Variants in MYO5B observed in about 807,000 individuals in gnomAD.
MYO5B encodes the protein unconventional myosin-Vb.
In MYO5B, 143 loss-of-function variants were observed where a neutral mutation model predicts 229.3. The observed-to-expected ratio is 0.62, with a 90% CI of 0.54 to 0.72. The LOEUF (loss-of-function observed/expected upper bound fraction) is 0.72. MYO5B is among the 30% of genes least tolerant of loss of function. MYO5B has a pLI of 0.00. For missense variants in MYO5B, 2,321 were observed against 2,331.0 expected (o/e 1.00, Z 0.09); for synonymous variants, 918 against 885.2 (o/e 1.04, Z -0.66).
chr18:50,032,756 C>T (rs1208076138), intron 4 of MYO5B, among the ~76,000 whole-genome samples: 5 of 152,130 alleles, frequency 3.3e-5, no homozygotes, highest in African/African-American at 4.8e-5. Flanking sequence ...GAGGCCAAGG[C>T]GGGTGGATCA....
At chr18:49,841,282 G>T in intron 35 of MYO5B, 83 bp downstream of exon 35, 2 of 1,305,958 alleles carry the variant, frequency 1.5e-6, no homozygotes, top group South Asian at 1.2e-5. Flanking sequence ...AGACCCCACT[G>T]ACCTCTGAGG....
chr18:49,859,117 G>A (rs754667060), intron 29 of MYO5B, among the ~76,000 whole-genome samples: 6 of 152,220 alleles, frequency 3.9e-5, no homozygotes, highest in Non-Finnish European at 7.3e-5. Context: ...GAAACTGGCT[G>A]GAGAACCTAG....
At chr18:50,153,578 T>G (rs972573555) in intron 1 of MYO5B, among the ~76,000 whole-genome samples, 1 of 152,172 alleles carries the variant, frequency 6.6e-6, no homozygotes, top group Non-Finnish European at 1.5e-5. Flanking sequence ...GCCTCCAGAA[T>G]AGCTGGGACT....
chr18:49,864,271 T>C lies in MYO5B; in HGVS notation c.3713A>G (p.Asp1238Gly), dbSNP rs1260058166. The C allele has an allele frequency of 3.7e-6, 6 of 1,614,100 alleles. No homozygotes were observed. The highest frequency in any genetic ancestry group is 1.7e-5 in the Admixed American group (1 of 60,014). ...CTGGTTCAGCAGGAGGCTGTAGCTA[T>C]CTGGGGAGCCGTGGCTGGAGTTATT... ...TQNNSSHGSP[D>G]SYSLLLNQLK... Residue 1238 changes from aspartate to glycine, a missense_variant, in exon 28 of 40, where the codon GAT becomes GGT. By Grantham distance (94) the Asp-to-Gly change is moderately conservative. Coordinates refer to ENST00000285039, the MANE Select transcript of MYO5B (RefSeq NM_001080467.3).
intron 2 of MYO5B, among the ~76,000 whole-genome samples, chr18:50,044,587 TGA>T (rs907275259): frequency 2.0e-5 from 3 of 151,710 alleles, no homozygotes; most frequent in Non-Finnish European, 4.4e-5. Flanking sequence ...ACTAGATGAG[TGA>T]GAGTGGCAGG....
In MYO5B at chr18:49,824,935, CTG is replaced by C. The variant is rs1459513473; in HGVS notation, c.*1534_*1535del. On this transcript the variant is annotated 3_prime_UTR_variant, in exon 40 of 40. Coordinates refer to ENST00000285039, the MANE Select transcript of MYO5B (RefSeq NM_001080467.3). ...AAGCCCCAGGAGATGCAGAGAACAA[CTG>C]AGGAAGCTGTGCTCTAAGGGCACAG... 4.6e-5 allele frequency: 7 copies of C among 152,344 alleles called. 1 individual carries two copies. Among genetic ancestry groups the C allele is most frequent in the Admixed American group, 4.6e-4 (7 of 15,296 alleles). 9.4% of individuals were successfully genotyped at this position (152,344 alleles called of 1,614,324 possible).
intron 29 of MYO5B, among the ~76,000 whole-genome samples, chr18:49,862,626 CT>C (rs2024344874): frequency 6.6e-6 from 1 of 152,242 alleles, no homozygotes; most frequent in Non-Finnish European, 1.5e-5. Context: ...GGCCCTGCTG[CT>C]GCCCTCAGAC....
intron 1 of MYO5B, chr18:50,097,188 C>G (rs1440124619): frequency 6.6e-6 from 3 of 455,118 alleles, no homozygotes; most frequent in Admixed American, 2.4e-5. Context: ...TCCTCCCATC[C>G]CCATTCCCCA....
chr18:49,945,948 T>C (rs2025367860), intron 14 of MYO5B, among the ~76,000 whole-genome samples: 1 of 152,208 alleles, frequency 6.6e-6, no homozygotes, highest in South Asian at 2.1e-4. Flanking sequence ...CTGTCTGTCA[T>C]GGCAAAGCAA....
chr18:49,854,098 T>G (rs1050053643), intron 30 of MYO5B, among the ~76,000 whole-genome samples: 2 of 152,248 alleles, frequency 1.3e-5, no homozygotes, highest in African/African-American at 4.8e-5. Flanking sequence ...TCACATATTT[T>G]CCCTGTGGCA....
intron 21 of MYO5B, among the ~76,000 whole-genome samples, chr18:49,898,039 T>C (rs1257514489): frequency 6.6e-6 from 1 of 152,248 alleles, no homozygotes; most frequent in Non-Finnish European, 1.5e-5. Context: ...CTGCCTATGA[T>C]ATTCAGTACA....
chr18:50,172,627 C>T (rs2032936035), intron 1 of MYO5B, among the ~76,000 whole-genome samples: 1 of 152,182 alleles, frequency 6.6e-6, no homozygotes, highest in Admixed American at 6.5e-5. Flanking sequence ...TGATGTCACT[C>T]ATTTATTTTA....
chr18:49,849,975 A>C (rs1942256773), intron 31 of MYO5B: 1 of 410,586 alleles, frequency 2.4e-6, no homozygotes, highest in Non-Finnish European at 4.6e-6. Flanking sequence ...CCAACCCCCC[A>C]GGAGACACAC....
intron 1 of MYO5B, among the ~76,000 whole-genome samples, chr18:50,132,156 G>T (rs1037480934): frequency 1.3e-5 from 2 of 152,120 alleles, no homozygotes; most frequent in Non-Finnish European, 2.9e-5. Context: ...CAAAACACAA[G>T]CATTATCCCC....
chr18:50,095,973 A>C (rs934011546), intron 1 of MYO5B, among the ~76,000 whole-genome samples: 2 of 152,170 alleles, frequency 1.3e-5, no homozygotes, highest in African/African-American at 4.8e-5. Flanking sequence ...CAGGTAGGTC[A>C]ATATCACCCA....
intron 22 of MYO5B, among the ~76,000 whole-genome samples, chr18:49,883,013 A>G (rs1344370014): frequency 1.3e-5 from 2 of 152,220 alleles, no homozygotes; most frequent in South Asian, 4.1e-4. Flanking sequence ...GTTATGATAA[A>G]AACACTCAAA....
intron 14 of MYO5B, among the ~76,000 whole-genome samples, chr18:49,942,497 T>A (rs12965021): frequency 0.35 from 52,778 of 148,990 alleles, 10,335 homozygotes; most frequent in Middle Eastern, 0.59. Flanking sequence ...GAATCTACAA[T>A]GAACTCAAAC....
rs150726040 is a variant in MYO5B, at chr18:50,092,691, A to T, written c.28-37313T>A. Among the ~76,000 whole-genome samples, 777 of 152,272 alleles carry T rather than the reference A, an allele frequency of 5.1e-3. 7 individuals are homozygous for T. Among genetic ancestry groups the T allele is most frequent in the African/African-American group, 0.018 (743 of 41,542 alleles). On this transcript the variant is annotated intron_variant, in intron 1 of 39. Coordinates refer to ENST00000285039, the MANE Select transcript of MYO5B (RefSeq NM_001080467.3). ...GATATTCAATTTCCTAAAAAGCTGC[A>T]ATCATGAATGAATGCCAGTAACATA...
chr18:50,191,047 A>G (rs1293037257), intron 1 of MYO5B, among the ~76,000 whole-genome samples: 1 of 152,244 alleles, frequency 6.6e-6, no homozygotes, highest in African/African-American at 2.4e-5. Context: ...ATAATCTCTA[A>G]GAAACAAAGT....
Sources: gnomAD v4.1 joint callset for allele counts (sites outside exome capture counted in the v4.1 genomes callset) on GRCh38, gnomAD v4.1.1 for gene constraint, MANE v1.5 for transcripts, NCBI Gene and HGNC (gene_info 2026-07-23, HGNC 2026-07-21) for gene names.